Variants in PTPRT observed in about 807,000 individuals in gnomAD.
PTPRT encodes receptor-type tyrosine-protein phosphatase T.
PTPRT carries 56 observed loss-of-function variants against 176.8 expected under a neutral mutation model. That is an observed-to-expected ratio of 0.32 (90% CI 0.26 to 0.40). PTPRT has a LOEUF of 0.40. Among genes scored for constraint, PTPRT ranks in the 10% least tolerant of loss-of-function variants. The pLI is 1.00. For missense variants in PTPRT, 1,540 were observed against 1,908.2 expected (o/e 0.81, Z 3.60); for synonymous variants, 783 against 739.0 (o/e 1.06, Z -0.96).
intron 25 of PTPRT, among the ~76,000 whole-genome samples, chr20:42,102,568 G>C (rs1986048937): frequency 6.6e-6 from 1 of 152,164 alleles, no homozygotes; most frequent in Admixed American, 6.5e-5. Flanking sequence ...CAGCCTCATA[G>C]TACCTGCCAA....
intron 9 of PTPRT, among the ~76,000 whole-genome samples, chr20:42,427,748 A>G (rs1437076874): frequency 1.3e-4 from 20 of 152,198 alleles, no homozygotes; most frequent in Admixed American, 1.3e-3. Context: ...CTGAAGATCC[A>G]CAAAAGAAGT....
At chr20:42,775,966 C>T (rs1323522703) in intron 4 of PTPRT, among the ~76,000 whole-genome samples, 2 of 152,164 alleles carry the variant, frequency 1.3e-5, no homozygotes, top group African/African-American at 4.8e-5. Context: ...CACCTTTAGT[C>T]TAAAGGAGAG....
chr20:42,651,500 G>GCAA (rs2145970964), intron 7 of PTPRT, among the ~76,000 whole-genome samples: 1 of 152,286 alleles, frequency 6.6e-6, no homozygotes, highest in East Asian at 1.9e-4. Context: ...AAGAGATTAA[G>GCAA]CAACAGTCAT....
intron 7 of PTPRT, among the ~76,000 whole-genome samples, chr20:42,579,344 T>C (rs2073329079): frequency 6.6e-6 from 1 of 152,156 alleles, no homozygotes; most frequent in Non-Finnish European, 1.5e-5. Context: ...GTCTTTGCTA[T>C]TGTGAATAGT....
At position 42,908,497 on chromosome 20, in the gene PTPRT, T is replaced by A. The variant is rs180979168; in HGVS notation, c.89-22565A>T. On this transcript the variant is annotated intron_variant, in intron 1 of 30. Transcript: ENST00000373187. ...TTATCTTTCTAACAATATTCTCCCC[T>A]ACATTTCTGGACATATTTTCTGGGA... 3.2e-3 allele frequency among the ~76,000 whole-genome samples: 493 copies of A among 152,314 alleles called. 2 individuals are homozygous for A. Among genetic ancestry groups the A allele is most frequent in the Non-Finnish European group, 5.1e-3 (349 of 68,018 alleles).
intron 7 of PTPRT, among the ~76,000 whole-genome samples, chr20:42,619,577 C>A (rs1240586289): frequency 1.5e-5 from 2 of 131,334 alleles, no homozygotes; most frequent in Admixed American, 7.2e-5. Flanking sequence ...TTCAGGTACA[C>A]CAATCAGACG....
intron 18 of PTPRT, among the ~76,000 whole-genome samples, chr20:42,136,906 G>A (rs572439104): frequency 1.3e-5 from 2 of 152,292 alleles, no homozygotes; most frequent in African/African-American, 4.8e-5. Flanking sequence ...CGGCTGAGGA[G>A]CTCTGGGAGT....
At chr20:42,692,340 A>T (rs1268777939) in intron 6 of PTPRT, among the ~76,000 whole-genome samples, 1 of 152,220 alleles carries the variant, frequency 6.6e-6, no homozygotes, top group Non-Finnish European at 1.5e-5. Context: ...AAAATGAATA[A>T]CAGGTTATAA....
intron 9 of PTPRT, among the ~76,000 whole-genome samples, chr20:42,428,437 G>A (rs1275384611): frequency 6.6e-6 from 1 of 152,206 alleles, no homozygotes; most frequent in Non-Finnish European, 1.5e-5. Flanking sequence ...TTTCTGTGCA[G>A]ATGTAAGAGA....
At chr20:43,086,662 T>G (rs1380131212) in intron 1 of PTPRT, among the ~76,000 whole-genome samples, 1 of 152,224 alleles carries the variant, frequency 6.6e-6, no homozygotes, top group African/African-American at 2.4e-5. Flanking sequence ...TAATCTTCCT[T>G]TGAGGATTCA....
intron 7 of PTPRT, among the ~76,000 whole-genome samples, chr20:42,644,143 G>A (rs1600535973): frequency 6.6e-6 from 1 of 152,068 alleles, no homozygotes; most frequent in Non-Finnish European, 1.5e-5. Context: ...ATCTGCAACT[G>A]AGCCTTCAAC....
chr20:42,979,338 C>T (rs987071395), intron 1 of PTPRT, among the ~76,000 whole-genome samples: 3 of 152,056 alleles, frequency 2.0e-5, no homozygotes, highest in Non-Finnish European at 4.4e-5. Context: ...TTGTTCTTTA[C>T]CTTTTTTGTA....
chr20:42,532,316 T>A (rs2072398930), intron 7 of PTPRT, among the ~76,000 whole-genome samples: 2 of 152,142 alleles, frequency 1.3e-5, no homozygotes. Flanking sequence ...TAGCACAAAG[T>A]GGGATGTCAG....
At position 42,471,718 on chromosome 20, in the gene PTPRT, C is replaced by A. The variant is rs998808139; in HGVS notation, c.1450+548G>T. On this transcript the variant is annotated intron_variant, in intron 8 of 30. Transcript: ENST00000373187. ...TTGCCCAGGCTGGAGTGCAATGGTG[C>A]GATCTCGGCTCACTGCAACCTCTGC... 3.3e-5 allele frequency among the ~76,000 whole-genome samples: 5 copies of A among 151,948 alleles called. 1 individual carries two copies. Among genetic ancestry groups the A allele is most frequent in the Non-Finnish European group, 7.4e-5 (5 of 67,986 alleles).
chr20:43,178,193 A>G (rs902186806), intron 1 of PTPRT, among the ~76,000 whole-genome samples: 2 of 152,184 alleles, frequency 1.3e-5, no homozygotes, highest in Admixed American at 6.5e-5. Context: ...CAAAACTGCA[A>G]CTGAAGTGTT....
At chr20:42,994,679 G>A (rs889858167) in intron 1 of PTPRT, among the ~76,000 whole-genome samples, 2 of 152,136 alleles carry the variant, frequency 1.3e-5, no homozygotes, top group African/African-American at 4.8e-5. Context: ...ATATATTAAT[G>A]AGCAGAATTA....
chr20:42,901,224 T>C (rs531001733), intron 1 of PTPRT, among the ~76,000 whole-genome samples: 12 of 152,260 alleles, frequency 7.9e-5, no homozygotes, highest in African/African-American at 2.6e-4. Flanking sequence ...TTCTCATTCC[T>C]CTGACTCCAC....
chr20:42,794,369 C>T (rs1334055011), intron 2 of PTPRT, among the ~76,000 whole-genome samples: 3 of 152,218 alleles, frequency 2.0e-5, no homozygotes, highest in Non-Finnish European at 4.4e-5. Context: ...GGACCAGCCA[C>T]CCCAGCATCA....
chr20:42,098,386 T>A, intron 27 of PTPRT, 35 bp downstream of exon 27: 1 of 1,611,598 alleles, frequency 6.2e-7, no homozygotes. Flanking sequence ...ATGGCCCCCC[T>A]GACCCACCTA....
Sources: gnomAD v4.1 joint callset for allele counts (sites outside exome capture counted in the v4.1 genomes callset) on GRCh38, gnomAD v4.1.1 for gene constraint, MANE v1.5 for transcripts, NCBI Gene and HGNC (gene_info 2026-07-23, HGNC 2026-07-21) for gene names.